ZNF717: variants seen among roughly 807,000 people sequenced by gnomAD.
The protein encoded by ZNF717 is zinc finger protein 717, also known as krueppel-like factor X17.
A neutral mutation model predicts 13.8 loss-of-function variants in ZNF717; 9 were observed. That is an observed-to-expected ratio of 0.65 (90% CI 0.39 to 1.14). ZNF717 has a LOEUF of 1.14. Among genes scored for constraint, ZNF717 ranks in the 50% most tolerant of loss-of-function variants. The pLI is 0.01. For missense variants in ZNF717, 1,040 were observed against 1,080.7 expected (o/e 0.96, Z 0.53); for synonymous variants, 327 against 364.1 (o/e 0.90, Z 1.16).
intron 2 of ZNF717, among the ~76,000 whole-genome samples, chr3:75,769,327 T>C (rs527690089): frequency 7.9e-5 from 12 of 152,200 alleles, no homozygotes; most frequent in African/African-American, 2.9e-4. Context: ...AAGAGAGGGC[T>C]GGGTGCCTAC....
downstream of ZNF717, chr3:75,732,202 T>G: frequency 2.9e-6 from 2 of 698,272 alleles, no homozygotes; most frequent in Admixed American, 2.0e-5. Flanking sequence ...CAGGAGAAAT[T>G]ACTGAACCTC....
At chr3:75,762,097 A>AG (rs1943080739) in intron 2 of ZNF717, among the ~76,000 whole-genome samples, 3 of 58,556 alleles carry the variant, frequency 5.1e-5, no homozygotes, top group East Asian at 8.3e-4. Context: ...AAGAAAAGAA[A>AG]AAAAGAAAAG....
At chr3:75,778,848 C>CTA (rs1944564517) in intron 2 of ZNF717, among the ~76,000 whole-genome samples, 1 of 138,432 alleles carries the variant, frequency 7.2e-6, no homozygotes, top group African/African-American at 2.9e-5. Flanking sequence ...GTGCTAAAAC[C>CTA]GGAACCCAAA....
At chr3:75,702,362 C>T (rs148376052) in intron 6 of ZNF717, among the ~76,000 whole-genome samples, 1 of 152,312 alleles carries the variant, frequency 6.6e-6, no homozygotes, top group Non-Finnish European at 1.5e-5. Flanking sequence ...TGAAATAAGT[C>T]AGGCACAGAA....
chr3:75,726,735 T>C (rs1200108789), downstream of ZNF717, among the ~76,000 whole-genome samples: 5 of 152,260 alleles, frequency 3.3e-5, no homozygotes, highest in Admixed American at 6.5e-5. Context: ...ATTTAAATAT[T>C]TGACCTAATT....
At chr3:75,748,922 T>C (rs1294797718) in intron 2 of ZNF717, among the ~76,000 whole-genome samples, 1 of 152,016 alleles carries the variant, frequency 6.6e-6, no homozygotes, top group East Asian at 1.9e-4. Context: ...CAGGGGTCTC[T>C]TTGCCCTCAC....
chr3:75,742,748 T>G (rs1198104006), intron 2 of ZNF717, among the ~76,000 whole-genome samples: 1 of 152,218 alleles, frequency 6.6e-6, no homozygotes, highest in African/African-American at 2.4e-5. Flanking sequence ...TCAAAAATTC[T>G]TATGCACCTA....
Position 75,741,339 on chromosome 3 carries a change from A to T in ZNF717, c.214T>A (p.Phe72Ile). The stretch of plus-strand genomic sequence containing the variant: ...GGCTCTGCTCCTTGCTCTAGCTTGA[A>T]GATCATCTCAGGTTTGGTAATGTAA... ...GHYITKPEMI[F>I]KLEQGAEPWI... is the part of the protein sequence containing the mutation. The change falls in exon 4 of 5, where the codon TTC becomes ATC. Residue 72 changes from phenylalanine to isoleucine, a missense_variant. Transcript: ENST00000652011. 6.5e-7 allele frequency: 1 copy of T among 1,549,288 alleles called. No homozygotes were observed. The highest frequency in any genetic ancestry group is 8.7e-7 in the Non-Finnish European group (1 of 1,144,840).
chr3:75,702,060 T>A (rs902141418), intron 6 of ZNF717, among the ~76,000 whole-genome samples: 724 of 148,014 alleles, frequency 4.9e-3, no homozygotes, highest in Middle Eastern at 0.014. Context: ...ACAGTTTGGA[T>A]GTTCCTGATA....
intron 6 of ZNF717, among the ~76,000 whole-genome samples, chr3:75,699,544 G>C (rs1290066471): frequency 2.1e-4 from 32 of 152,314 alleles, no homozygotes; most frequent in African/African-American, 7.0e-4. Flanking sequence ...ACAAGTGTGT[G>C]TAGCACCTCC....
intron 6 of ZNF717, among the ~76,000 whole-genome samples, chr3:75,697,930 G>T (rs1390383772): frequency 6.6e-6 from 1 of 152,306 alleles, no homozygotes; most frequent in Non-Finnish European, 1.5e-5. Flanking sequence ...GGCTGAGGAG[G>T]TCTCAGATGA....
downstream of ZNF717, among the ~76,000 whole-genome samples, chr3:75,708,918 C>G (rs917528000): frequency 2.4e-4 from 37 of 152,068 alleles, 1 homozygote; most frequent in East Asian, 3.3e-3. Context: ...CAGAATTTGA[C>G]GTGGCAGCAG....
intron 4 of ZNF717, among the ~76,000 whole-genome samples, chr3:75,740,168 G>GC (rs1940197971): frequency 6.6e-6 from 1 of 152,004 alleles, no homozygotes; most frequent in Non-Finnish European, 1.5e-5. Context: ...ATTTTTGAAG[G>GC]GTTTTATTTT....
At chr3:75,730,362 A>AG (rs2106900158) in exon 6 of ZNF717, 2 of 390,588 alleles carry the variant, frequency 5.1e-6, no homozygotes, top group East Asian at 8.3e-5. Flanking sequence ...TTAAAAAAAA[A>AG]AAAAGTAGAA....
In ZNF717 at chr3:75,737,716, G is replaced by C. The variant is rs1295893450; in HGVS notation, c.1907C>G (p.Thr636Ser). 4 of 1,544,578 alleles carry C rather than the reference G, an allele frequency of 2.6e-6. No individual in the cohort carries two copies. The Admixed American group carries it at 7.9e-5, about 31-fold the overall frequency. The change falls in exon 5 of 5, where the codon ACC (threonine) becomes AGC (serine). Residue 636 changes from threonine (T) to serine (S), a missense_variant. Around this residue, in one of 3 missense-constraint regions of ZNF717, gnomAD observed 873 missense variants for 832.8 expected, o/e 1.05. Coordinates refer to ENST00000652011, the MANE Select transcript of ZNF717 (RefSeq NM_001290208.3). Reference sequence around the variant, plus strand: ...CTCTCCTGTGTGAGTTCCCTGATGGGTGCTGAGATTTGACTTCTGACGAAA... The same window carrying C: ...CTCTCCTGTGTGAGTTCCCTGATGGCTGCTGAGATTTGACTTCTGACGAAA... ...KTFRQKSNLS[T>S]HQGTHTGEKP...
At chr3:75,768,927 G>T (rs1411489248) in intron 2 of ZNF717, among the ~76,000 whole-genome samples, 1 of 152,228 alleles carries the variant, frequency 6.6e-6, no homozygotes, top group African/African-American at 2.4e-5. Flanking sequence ...ATCACAACCT[G>T]ATTCAGGATT....
At chr3:75,777,623 G>A (rs998032086) in intron 2 of ZNF717, among the ~76,000 whole-genome samples, 2 of 147,198 alleles carry the variant, frequency 1.4e-5, no homozygotes, top group Non-Finnish European at 3.0e-5. Context: ...GCTAAAACCG[G>A]AACCCAAAAA....
rs1241253105 is a variant in ZNF717 at position 75,738,378 on chromosome 3, T to A, written c.1245A>T (p.Arg415Ser). 6.5e-7 allele frequency: 1 copy of A among 1,541,752 alleles called. No individual in the cohort carries two copies. Among genetic ancestry groups the A allele is most frequent in the Non-Finnish European group, 8.8e-7 (1 of 1,140,282 alleles). Residue 415 changes from arginine to serine, a missense_variant, in exon 5 of 5, where the codon AGA (arginine) becomes AGT (serine). Physicochemically the swap from Arg to Ser is moderately radical, Grantham distance 110. Around this residue, in one of 3 missense-constraint regions of ZNF717, gnomAD observed 873 missense variants for 832.8 expected, o/e 1.05. Coordinates refer to ENST00000652011, the MANE Select transcript of ZNF717 (RefSeq NM_001290208.3). ...CATAGGGCTTTTCCCCTGTGTGAGT[T>A]CTATGATGTATTGTGAGGTATGACT... ...SQKSYLTIHH[R>S]THTGEKPYAC...
At chr3:75,731,427 G>C (rs1380938566), downstream of ZNF717, among the ~76,000 whole-genome samples, 1 of 152,058 alleles carries the variant, frequency 6.6e-6, no homozygotes, top group Non-Finnish European at 1.5e-5. Flanking sequence ...CAGCATGGTG[G>C]TGGGTGCCTG....
Sources: allele counts gnomAD v4.1 joint callset (sites outside exome capture counted in the v4.1 genomes callset), GRCh38; gene constraint gnomAD v4.1.1; regional missense constraint gnomAD v4.1.1; transcripts MANE v1.5; gene names NCBI Gene and HGNC (gene_info 2026-07-23, HGNC 2026-07-21).